PCDHGA8: variants seen among roughly 807,000 people sequenced by gnomAD.
The protein encoded by PCDHGA8 is protocadherin gamma-A8.
In PCDHGA8, 45 loss-of-function variants were observed where a neutral mutation model predicts 59.2. That is an observed-to-expected ratio of 0.76 (90% CI 0.60 to 0.98). PCDHGA8 has a LOEUF of 0.98. Among genes scored for constraint, PCDHGA8 ranks in the 50% least tolerant of loss-of-function variants. The probability of loss-of-function intolerance (pLI) is 0.00; values close to 1 mark genes in which losing one functional copy is unlikely to be tolerated. For synonymous variants in PCDHGA8, 531 were observed against 519.0 expected (o/e 1.02, Z -0.32); for missense variants, 1,257 against 1,196.2 (o/e 1.05, Z -0.75).
chr5:141,430,245 G>C (rs1000418420), intron 1 of PCDHGA8, among the ~76,000 whole-genome samples: 1 of 104,402 alleles, frequency 9.6e-6, no homozygotes, highest in African/African-American at 6.4e-5. Flanking sequence ...GAAACTCCTA[G>C]GGAGACATCT....
At chr5:141,418,687 G>T (rs758554600) in intron 1 of PCDHGA8, 1 of 1,613,928 alleles carries the variant, frequency 6.2e-7, no homozygotes, top group African/African-American at 1.3e-5. Context: ...TCAACTCAGA[G>T]ATCACTTATT....
chr5:141,413,135 T>TGTCC (rs767378713), intron 1 of PCDHGA8: 1 of 1,545,632 alleles, frequency 6.5e-7, no homozygotes, highest in Non-Finnish European at 8.7e-7. Context: ...ACACACAACG[T>TGTCC]GTCCAGTGAG....
chr5:141,506,246 C>T (rs1049014492), intron 3 of PCDHGA8, among the ~76,000 whole-genome samples: 3 of 151,958 alleles, frequency 2.0e-5, no homozygotes, highest in South Asian at 4.2e-4. Context: ...GTCAGGAGTT[C>T]GAAACCGGCC....
intron 1 of PCDHGA8, among the ~76,000 whole-genome samples, chr5:141,472,969 A>G: frequency 6.8e-6 from 1 of 147,990 alleles, no homozygotes; most frequent in Non-Finnish European, 1.5e-5. Flanking sequence ...CTGGGGAACA[A>G]GAGTGAAACT....
Position 141,394,181 on chromosome 5 carries a change from C to T in PCDHGA8, c.1368C>T (p.Ser456=), listed in dbSNP as rs1232533966. 2 of 1,613,928 alleles carry T rather than the reference C, an allele frequency of 1.2e-6. No individual in the cohort carries two copies. The highest frequency in any genetic ancestry group is 4.5e-5 in the East Asian group (2 of 44,868). Residue 456 remains serine, a synonymous_variant, in exon 1 of 4, where the codon TCC becomes TCT. Transcript: ENST00000398604. ...ACCCTCCTACTTTCCCTCATGCCTC[C>T]TACTCAGCGTATATCCTAGAGAACA... is the stretch of plus-strand genomic sequence containing the variant. The part of the protein sequence containing the change: ...NDNPPTFPHA[S]YSAYILENNL...
chr5:141,486,714 C>G lies in PCDHGA8; in HGVS notation c.2425-8093C>G. On this transcript the variant is annotated intron_variant, in intron 1 of 3. Transcript: ENST00000398604. This position sits in a 1 kb window ranked among gnomAD's most constrained non-coding sequence, Gnocchi z 5.0. ...TCTTTCATCTCTCTGAACCCCCAGA[C>G]AGGAGCTGTTCATGCTACTCGATCC... 1.2e-6 allele frequency: 2 copies of G among 1,614,216 alleles called. No individual in the cohort carries two copies. Among genetic ancestry groups the G allele is most frequent in the African/African-American group, 1.3e-5 (1 of 75,062 alleles).
intron 1 of PCDHGA8, among the ~76,000 whole-genome samples, chr5:141,430,213 A>G (rs892801149): frequency 6.6e-6 from 1 of 151,106 alleles, no homozygotes; most frequent in Non-Finnish European, 1.5e-5. Context: ...AAATTATTAT[A>G]TTATATGATT....
At position 141,431,034 on chromosome 5, in the gene PCDHGA8, G is replaced by C. The variant is rs372312860; in HGVS notation, c.2424+35797G>C. 2.5e-6 allele frequency: 4 copies of C among 1,613,992 alleles called. No homozygotes were observed. The highest frequency in any genetic ancestry group is 2.7e-5 in the African/African-American group (2 of 74,938). On this transcript the variant is annotated intron_variant, in intron 1 of 3. Coordinates refer to ENST00000398604, the MANE Select transcript of PCDHGA8 (RefSeq NM_032088.2). The surrounding 1 kb of genome is among the most constrained non-coding windows in gnomAD (Gnocchi z 4.8). ...TTGGTCACGGCGGGCAGGATAGACC[G>C]GGAGGAGCTCTGTATGGGGGCCATC...
At position 141,490,460 on chromosome 5, in the gene PCDHGA8, TA is replaced by T. The variant is rs1393913480; in HGVS notation, c.2425-4345del. 1.2e-6 allele frequency: 2 copies of T among 1,614,094 alleles called. No individual in the cohort carries two copies. The highest frequency in any genetic ancestry group is 1.7e-6 in the Non-Finnish European group (2 of 1,180,048). On this transcript the variant is annotated intron_variant, in intron 1 of 3. Coordinates refer to ENST00000398604, the MANE Select transcript of PCDHGA8 (RefSeq NM_032088.2). The surrounding 1 kb of genome is among the most constrained non-coding windows in gnomAD (Gnocchi z 5.4). ...CCTTCTGAGAACCACTACTCGCTGC[TA>T]ACCAGCCAGCCTTTGGACCGGGAGG... is the stretch of plus-strand genomic sequence containing the variant.
chr5:141,491,438 G>T lies in PCDHGA8; in HGVS notation c.2425-3369G>T, dbSNP rs376927300. 3.7e-6 allele frequency: 6 copies of T among 1,613,948 alleles called. No homozygotes were observed. The African/African-American group carries it at 4.0e-5, about 11-fold the overall frequency. ...GGGGGTGGAGGGCAGTGCTGCAGGCGCCAGGACTCACCCTCCCCGGACTTC... is the reference window on the plus strand; with the variant it reads ...GGGGGTGGAGGGCAGTGCTGCAGGCTCCAGGACTCACCCTCCCCGGACTTC... On this transcript the variant is annotated intron_variant, in intron 1 of 3. Transcript: ENST00000398604. The surrounding 1 kb of genome is among the most constrained non-coding windows in gnomAD (Gnocchi z 6.9).
intron 1 of PCDHGA8, chr5:141,399,373 G>A: frequency 6.2e-7 from 1 of 1,613,982 alleles, no homozygotes; most frequent in Non-Finnish European, 8.5e-7. Flanking sequence ...GGAGTACAAT[G>A]TCACCATCAC....
chr5:141,423,720 A>G, intron 1 of PCDHGA8: 1 of 957,774 alleles, frequency 1.0e-6, no homozygotes, highest in East Asian at 6.0e-5. Flanking sequence ...TTTTAAGGAG[A>G]TGTTTTTTGA....
intron 1 of PCDHGA8, chr5:141,404,885 G>C: frequency 1.2e-6 from 2 of 1,613,906 alleles, no homozygotes; most frequent in Non-Finnish European, 1.7e-6. Context: ...CCTTGTGGTG[G>C]CTGTACAGGA....
intron 1 of PCDHGA8, among the ~76,000 whole-genome samples, chr5:141,447,984 G>C (rs1300057273): frequency 6.6e-6 from 1 of 151,952 alleles, no homozygotes; most frequent in African/African-American, 2.4e-5. Context: ...TACTCGGGAG[G>C]CTGAGGCATG....
intron 2 of PCDHGA8, among the ~76,000 whole-genome samples, chr5:141,495,587 C>T (rs1391263118): frequency 6.6e-6 from 1 of 152,238 alleles, no homozygotes. Context: ...TTCTCCATCT[C>T]TGTCTTAGCT....
chr5:141,405,593 C>T (rs1262163993), intron 1 of PCDHGA8: 1 of 579,000 alleles, frequency 1.7e-6, no homozygotes, highest in African/African-American at 1.9e-5. Context: ...TACAGGCCTC[C>T]CAAGTAGAAT....
Position 141,477,413 on chromosome 5 carries a change from G to A in PCDHGA8, c.2425-17394G>A. ...CCTCAGCATCACCGCCCGAGACGCC[G>A]GAACCCCTTCCCTCTCAGCCCTTAC... On this transcript the variant is annotated intron_variant, in intron 1 of 3. Transcript: ENST00000398604. This position sits in a 1 kb window ranked among gnomAD's most constrained non-coding sequence, Gnocchi z 4.9. 1 of 1,614,080 alleles carries A rather than the reference G, an allele frequency of 6.2e-7. No individual in the cohort carries two copies. Among genetic ancestry groups the A allele is most frequent in the Non-Finnish European group, 8.5e-7 (1 of 1,180,026 alleles).
Position 141,486,954 on chromosome 5 carries a change from C to T in PCDHGA8, c.2425-7853C>T, listed in dbSNP as rs764632268. 3.7e-6 allele frequency: 6 copies of T among 1,614,114 alleles called. 1 individual carries two copies. The South Asian group carries it at 6.6e-5, about 18-fold the overall frequency. On this transcript the variant is annotated intron_variant, in intron 1 of 3. Coordinates refer to ENST00000398604, the MANE Select transcript of PCDHGA8 (RefSeq NM_032088.2). The surrounding 1 kb of genome is among the most constrained non-coding windows in gnomAD (Gnocchi z 5.0). ...GCTGGCCACCTAATCACAAAGGTGA[C>T]TGCTGTGGACTTGGATTCAGGTTAC...
rs755091154 is a variant in PCDHGA8 at position 141,402,943 on chromosome 5, C to T, written c.2424+7706C>T. The stretch of plus-strand genomic sequence containing the variant: ...AGATCCTTTTGAGAAAATTCCAAAG[C>T]GAGGCAGCAATGGCAGCTCCAACCA... On this transcript the variant is annotated intron_variant, in intron 1 of 3. Transcript: ENST00000398604. 1.1e-5 allele frequency: 17 copies of T among 1,590,762 alleles called. No individual in the cohort carries two copies. The African/African-American group carries it at 2.0e-4, about 19-fold the overall frequency.
Sources: gnomAD v4.1 joint callset for allele counts (sites outside exome capture counted in the v4.1 genomes callset) on GRCh38, gnomAD v4.1.1 for gene constraint, Gnocchi (gnomAD v3.1) non-coding constraint, MANE v1.5 for transcripts, NCBI Gene and HGNC (gene_info 2026-07-23, HGNC 2026-07-21) for gene names.